Variants in SRGAP2 observed in about 807,000 individuals in gnomAD.
The protein encoded by SRGAP2 is SLIT-ROBO Rho GTPase activating protein 2, also known as SLIT-ROBO Rho GTPase-activating protein 2.
A neutral mutation model predicts 57.2 loss-of-function variants in SRGAP2; 15 were observed. That is an observed-to-expected ratio of 0.26 (90% CI 0.18 to 0.40). The LOEUF is 0.40. SRGAP2 is among the 10% of genes least tolerant of loss of function. The probability of loss-of-function intolerance (pLI) is 1.00; values close to 1 mark genes in which losing one functional copy is unlikely to be tolerated. For synonymous variants in SRGAP2, 249 were observed against 248.0 expected, an observed-to-expected ratio of 1.00 and a Z score of -0.04; for missense variants, 520 against 669.6, an observed-to-expected ratio of 0.78 and a Z score of 2.47.
intron 19 of SRGAP2, among the ~76,000 whole-genome samples, chr1:206,451,700 G>A (rs557599380): frequency 2.6e-5 from 4 of 152,284 alleles, no homozygotes; most frequent in East Asian, 3.9e-4. Flanking sequence ...AGCCTACCTC[G>A]TGGCCAGCTC....
intron 17 of SRGAP2, 78 bp from the exon 18 acceptor site, chr1:206,445,997 G>A (rs1265465212): frequency 2.7e-6 from 2 of 736,342 alleles, no homozygotes; most frequent in Non-Finnish European, 5.1e-6. Flanking sequence ...TTTGCTCTTG[G>A]CAGCGCCTCC....
chr1:206,206,388 C>A, intron 2 of SRGAP2: 1 of 222,846 alleles, frequency 4.5e-6, no homozygotes, highest in Non-Finnish European at 8.8e-6. Context: ...CCTTGAAAGA[C>A]AACTGAAATC....
intron 2 of SRGAP2, among the ~76,000 whole-genome samples, chr1:206,213,107 C>G (rs1666417900): frequency 6.6e-6 from 1 of 152,210 alleles, no homozygotes; most frequent in Non-Finnish European, 1.5e-5. Flanking sequence ...ACGAGAATCA[C>G]TTGAACCTGG....
chr1:206,224,136 CGTTT>C (rs1294732488), intron 2 of SRGAP2, among the ~76,000 whole-genome samples: 1 of 147,204 alleles, frequency 6.8e-6, no homozygotes, highest in Non-Finnish European at 1.5e-5. Context: ...CATTTTGGAT[CGTTT>C]TTTGAGATAG....
At chr1:206,414,033 CT>C (rs1202216512) in intron 10 of SRGAP2, among the ~76,000 whole-genome samples, 2,157 of 128,888 alleles carry the variant, frequency 0.017, 37 homozygotes, top group African/African-American at 0.053. Flanking sequence ...CTTTTTCTTT[CT>C]TTTTTTTTTT....
intron 19 of SRGAP2, among the ~76,000 whole-genome samples, chr1:206,451,616 A>G (rs1558448913): frequency 6.6e-6 from 1 of 152,166 alleles, no homozygotes; most frequent in Non-Finnish European, 1.5e-5. Flanking sequence ...TCCTGATGTC[A>G]TAAGGATCCA....
chr1:206,460,920 A>G, intron 22 of SRGAP2, 117 bp from the exon 23 acceptor site: 1 of 561,784 alleles, frequency 1.8e-6, no homozygotes, highest in Middle Eastern at 4.5e-4. Flanking sequence ...GGCCAAGTAC[A>G]ATAATCTGGA....
At chr1:206,416,770 C>G (rs6704090) in intron 11 of SRGAP2, among the ~76,000 whole-genome samples, 40 of 152,242 alleles carry the variant, frequency 2.6e-4, no homozygotes, top group African/African-American at 7.0e-4. Context: ...TGCCGCCCCC[C>G]CCTCCCTGCC....
intron 2 of SRGAP2, among the ~76,000 whole-genome samples, chr1:206,213,909 C>T (rs1354833134): frequency 6.6e-6 from 1 of 150,886 alleles, no homozygotes; most frequent in Non-Finnish European, 1.5e-5. Flanking sequence ...ACAGAGCAAG[C>T]CTCCATCTCA....
At chr1:206,210,164 G>T (rs1317966422) in intron 2 of SRGAP2, among the ~76,000 whole-genome samples, 1 of 150,050 alleles carries the variant, frequency 6.7e-6, no homozygotes, top group East Asian at 2.0e-4. Flanking sequence ...GGTTACCAGG[G>T]TTGTGAATCT....
rs1354096218 is a variant in SRGAP2 at position 206,274,050 on chromosome 1, GA to G, written c.68-29229del. On this transcript the variant is annotated intron_variant, in intron 2 of 22. Coordinates refer to ENST00000573034, the MANE Select transcript of SRGAP2 (RefSeq NM_015326.5). ...CCCTCTGAAAATTCTATGTCTTTCA[GA>G]ACAAGATAGGGGAAAAGAGAAATGA... is the stretch of plus-strand genomic sequence containing the variant. Among the ~76,000 whole-genome samples, 9 of 135,184 alleles carry G rather than the reference GA, an allele frequency of 6.7e-5. No individual in the cohort carries two copies. In the East Asian group the frequency reaches 1.9e-3, roughly 28 times the overall value. The allele number at this position is 135,184 out of a possible 152,430, so 88.7% of individuals were successfully genotyped here. A position where few individuals can be genotyped will look rare whatever the true frequency, so the allele number is the denominator to read the frequency against.
chr1:206,391,007 C>G (rs1398809794), intron 5 of SRGAP2, among the ~76,000 whole-genome samples: 1 of 152,110 alleles, frequency 6.6e-6, no homozygotes, highest in Non-Finnish European at 1.5e-5. Flanking sequence ...CAAAGTCTTT[C>G]TAAGCTAGAT....
intron 18 of SRGAP2, among the ~76,000 whole-genome samples, chr1:206,446,816 A>G (rs937340910): frequency 1.1e-4 from 16 of 152,328 alleles, no homozygotes; most frequent in African/African-American, 3.8e-4. Flanking sequence ...TGTTTTTGGC[A>G]GGTTAGGGAC....
intron 2 of SRGAP2, among the ~76,000 whole-genome samples, chr1:206,231,191 CCACCTATTGGGTAT>C (rs1181764463): frequency 6.6e-6 from 1 of 151,424 alleles, no homozygotes; most frequent in Non-Finnish European, 1.5e-5. Context: ...GGGTACAAAA[CCACCTATTGGGTAT>C]GATTTTAGGG....
chr1:206,326,927 C>T (rs1673938275), intron 3 of SRGAP2, among the ~76,000 whole-genome samples: 1 of 152,210 alleles, frequency 6.6e-6, no homozygotes, highest in South Asian at 2.1e-4. Context: ...CTTTGGGAGG[C>T]TGAGGCGGGA....
intron 4 of SRGAP2, among the ~76,000 whole-genome samples, chr1:206,355,575 T>TGC (rs1676368763): frequency 6.6e-6 from 1 of 152,196 alleles, no homozygotes; most frequent in Non-Finnish European, 1.5e-5. Context: ...AAATATTGGG[T>TGC]GCCAGTTCAG....
At chr1:206,366,051 G>T (rs1343430332) in intron 4 of SRGAP2, among the ~76,000 whole-genome samples, 1 of 152,064 alleles carries the variant, frequency 6.6e-6, no homozygotes, top group African/African-American at 2.4e-5. Flanking sequence ...CTTTTTTCTT[G>T]CTTTAAAAAA....
chr1:206,394,270 C>T (rs1657345543), intron 7 of SRGAP2, among the ~76,000 whole-genome samples: 1 of 150,960 alleles, frequency 6.6e-6, no homozygotes, highest in Non-Finnish European at 1.5e-5. Flanking sequence ...TGATCTGGAA[C>T]TCCTCACCTC....
At chr1:206,433,261 T>C (rs1032589726) in intron 14 of SRGAP2, among the ~76,000 whole-genome samples, 6 of 152,100 alleles carry the variant, frequency 3.9e-5, no homozygotes, top group African/African-American at 1.4e-4. Context: ...AATGGGGCAA[T>C]GGGAAATGGT....
Sources: allele counts gnomAD v4.1 joint callset (sites outside exome capture counted in the v4.1 genomes callset), GRCh38; gene constraint gnomAD v4.1.1; transcripts MANE v1.5; gene names NCBI Gene and HGNC (gene_info 2026-07-23, HGNC 2026-07-21).